The following NBEA variants were observed in gnomAD, a reference collection of about 807,000 sequenced individuals.
The protein encoded by NBEA is lysosomal-trafficking regulator 2.
Under a neutral mutation model 343.4 loss-of-function variants are expected in NBEA, and 44 were observed. That is an observed-to-expected ratio of 0.13 (90% confidence interval 0.10 to 0.16). The LOEUF is 0.16. Among genes scored for constraint, NBEA ranks in the 10% least tolerant of loss-of-function variants. The pLI is 1.00. For missense variants in NBEA, 2,555 were observed against 3,631.3 expected (o/e 0.70, Z 7.62); for synonymous variants, 1,175 against 1,238.7 (o/e 0.95, Z 1.08).
intron 36 of NBEA, among the ~76,000 whole-genome samples, chr13:35,346,741 G>A (rs893486983): frequency 6.6e-6 from 1 of 152,074 alleles, no homozygotes; most frequent in East Asian, 1.9e-4. Flanking sequence ...TACTGGTGCC[G>A]CTGTCATATT....
At chr13:35,505,538 C>T (rs969693572) in intron 41 of NBEA, among the ~76,000 whole-genome samples, 9 of 152,116 alleles carry the variant, frequency 5.9e-5, no homozygotes, top group African/African-American at 2.2e-4. Flanking sequence ...TAAATACGGA[C>T]TTTTTAACTG....
chr13:35,489,081 G>GT (rs879422498), intron 41 of NBEA, among the ~76,000 whole-genome samples: 54 of 147,246 alleles, frequency 3.7e-4, no homozygotes, highest in East Asian at 4.0e-4. Flanking sequence ...TATTTGCCAA[G>GT]TTTTTTTTTT....
intron 34 of NBEA, among the ~76,000 whole-genome samples, chr13:35,288,663 G>A (rs2035596417): frequency 6.6e-6 from 1 of 151,840 alleles, no homozygotes; most frequent in Non-Finnish European, 1.5e-5. Flanking sequence ...TGGTTTCTGA[G>A]AAATTAATGC....
intron 1 of NBEA, among the ~76,000 whole-genome samples, chr13:34,982,329 T>A (rs1037601607): frequency 6.6e-6 from 1 of 152,042 alleles, no homozygotes; most frequent in African/African-American, 2.4e-5. Context: ...GAAGTCTCTC[T>A]CTGTTGCCCA....
intron 39 of NBEA, among the ~76,000 whole-genome samples, chr13:35,434,134 T>C (rs2045284564): frequency 6.6e-6 from 1 of 152,114 alleles, no homozygotes; most frequent in Admixed American, 6.5e-5. Flanking sequence ...GTGAATACTT[T>C]GTGTGTTTAA....
Position 35,359,528 on chromosome 13 carries a change from T to C in NBEA, c.6179+7205T>C, listed in dbSNP as rs141706973. On this transcript the variant is annotated intron_variant, in intron 38 of 58. Coordinates refer to ENST00000379939, the MANE Select transcript of NBEA (RefSeq NM_001385012.1). The stretch of plus-strand genomic sequence containing the variant: ...TTCTACCAAAAAAATAGTTTAGTTA[T>C]AACATAAAATCTCTTTTACATCTAT... Among the ~76,000 whole-genome samples, 555 of 152,224 alleles carry C rather than the reference T, an allele frequency of 3.6e-3. 3 individuals carry two copies. The highest frequency in any genetic ancestry group is 0.012 in the African/African-American group (490 of 41,540).
chr13:35,105,871 A>ATG lies in NBEA; in HGVS notation c.1681-3409_1681-3408dup, dbSNP rs1196554766. Among the ~76,000 whole-genome samples, 9 of 152,126 alleles carry ATG rather than the reference A, an allele frequency of 5.9e-5. No individual in the cohort carries two copies. The East Asian group carries it at 1.5e-3, about 26-fold the overall frequency. The stretch of plus-strand genomic sequence containing the variant: ...ATATACTCATACACATTATATGTAT[A>ATG]TGTGTGTGTGTATATTATGCTTTCT... On this transcript the variant is annotated intron_variant, in intron 11 of 58. Transcript: ENST00000379939.
At chr13:35,254,760 G>C (rs535264803) in intron 34 of NBEA, among the ~76,000 whole-genome samples, 1 of 151,554 alleles carries the variant, frequency 6.6e-6, no homozygotes, top group Non-Finnish European at 1.5e-5. Context: ...TTCAAATTCC[G>C]TTATCTAAAT....
rs1441558218 is a variant in NBEA, at chr13:35,360,079, TACACAGCTAAGTAATA to T, written c.6179+7757_6179+7772del. On this transcript the variant is annotated intron_variant, in intron 38 of 58. Transcript: ENST00000379939. The stretch of plus-strand genomic sequence containing the variant: ...AGAGATCAAATGTCTTGCCCTGTAT[TACACAGCTAAGTAATA>T]GAGACAGGAGCAGGATTTGAGTCTA... Among the ~76,000 whole-genome samples, 16 of 152,132 alleles carry T rather than the reference TACACAGCTAAGTAATA, an allele frequency of 1.1e-4. No individual in the cohort carries two copies. In the East Asian group the frequency reaches 3.1e-3, roughly 29 times the overall value.
intron 41 of NBEA, among the ~76,000 whole-genome samples, chr13:35,484,288 A>G (rs1218175029): frequency 7.9e-4 from 117 of 148,324 alleles, no homozygotes; most frequent in African/African-American, 2.9e-3. Context: ...ATATATATAT[A>G]TATATGTAGA....
At chr13:35,382,795 T>G (rs1380554602) in intron 38 of NBEA, among the ~76,000 whole-genome samples, 2 of 152,178 alleles carry the variant, frequency 1.3e-5, no homozygotes, top group Non-Finnish European at 2.9e-5. Context: ...TAATTTGAAC[T>G]AAAAGTGGTT....
intron 1 of NBEA, among the ~76,000 whole-genome samples, chr13:34,971,737 C>T (rs1344827109): frequency 6.6e-6 from 1 of 151,872 alleles, no homozygotes; most frequent in Non-Finnish European, 1.5e-5. Flanking sequence ...TGTTGATGTG[C>T]TGCTGGATTC....
intron 45 of NBEA, among the ~76,000 whole-genome samples, chr13:35,578,906 A>G (rs1055385956): frequency 6.6e-6 from 1 of 151,910 alleles, no homozygotes; most frequent in African/African-American, 2.4e-5. Context: ...ACCATATTCC[A>G]TATAGCCTAC....
intron 38 of NBEA, among the ~76,000 whole-genome samples, chr13:35,398,519 A>C (rs1277468287): frequency 6.6e-6 from 1 of 152,158 alleles, no homozygotes; most frequent in Admixed American, 6.6e-5. Context: ...TGGGCTACAG[A>C]ATGGCTGTTG....
chr13:35,057,086 G>C (rs1593611345), intron 7 of NBEA, among the ~76,000 whole-genome samples: 1 of 152,098 alleles, frequency 6.6e-6, no homozygotes, highest in African/African-American at 2.4e-5. Flanking sequence ...CTACATTCCG[G>C]CCTGTCAGAG....
chr13:35,644,805 C>T (rs1156366047), intron 49 of NBEA, among the ~76,000 whole-genome samples: 1 of 152,120 alleles, frequency 6.6e-6, no homozygotes, highest in Non-Finnish European at 1.5e-5. Flanking sequence ...AAATCTTGCA[C>T]TGGGGAGACA....
chr13:35,094,509 CAT>C (rs2065237312), intron 10 of NBEA, among the ~76,000 whole-genome samples: 1 of 152,010 alleles, frequency 6.6e-6, no homozygotes, highest in African/African-American at 2.4e-5. Context: ...GAGTTAGAAA[CAT>C]GTGGTTTAGC....
At chr13:35,429,796 CCAA>C (rs2044968695) in intron 38 of NBEA, among the ~76,000 whole-genome samples, 1 of 65,858 alleles carries the variant, frequency 1.5e-5, no homozygotes, top group Non-Finnish European at 3.2e-5. Flanking sequence ...CCCTGAGTCC[CCAA>C]CGTGTGTGTG....
intron 34 of NBEA, among the ~76,000 whole-genome samples, chr13:35,280,233 A>G (rs529513929): frequency 6.6e-6 from 1 of 152,276 alleles, no homozygotes; most frequent in East Asian, 1.9e-4. Flanking sequence ...TATATAGGTA[A>G]TTTCAACTGA....
Sources: allele counts gnomAD v4.1 joint callset (sites outside exome capture counted in the v4.1 genomes callset), GRCh38; gene constraint gnomAD v4.1.1; transcripts MANE v1.5; gene names NCBI Gene and HGNC (gene_info 2026-07-23, HGNC 2026-07-21).